The following SLCO5A1 variants were observed in gnomAD, a reference collection of about 807,000 sequenced individuals.
The protein encoded by SLCO5A1 is solute carrier organic anion transporter family member 5A1.
In SLCO5A1, 39 loss-of-function variants were observed where a neutral mutation model predicts 65.1. The observed-to-expected ratio is 0.60, with a 90% CI of 0.46 to 0.78. The LOEUF (loss-of-function observed/expected upper bound fraction) is 0.78. Ranked by LOEUF, SLCO5A1 falls within the 30% of genes least tolerant of loss-of-function variation. The probability of loss-of-function intolerance (pLI) is 0.00; values close to 1 mark genes in which losing one functional copy is unlikely to be tolerated. For missense variants in SLCO5A1, 1,029 were observed against 1,069.4 expected (o/e 0.96, Z 0.53); for synonymous variants, 438 against 415.7 (o/e 1.05, Z -0.65).
At position 69,831,941 on chromosome 8, in the gene SLCO5A1, T is replaced by C. The variant is rs1821169229; in HGVS notation, c.733A>G (p.Thr245Ala). 1 of 1,596,496 alleles carries C rather than the reference T, an allele frequency of 6.3e-7. No homozygotes were observed. The highest frequency in any genetic ancestry group is 1.8e-5 in the Admixed American group (1 of 56,346). ...GLCQGGNSTA[T>A]LEPPACPKDS... ...TTCGGACAGGCCGGAGGCTCCAAAG[T>C]GGCGGTGGAGTTGCCACCCTGACAC... Residue 245 changes from threonine to alanine, a missense_variant, in exon 2 of 10, where the codon ACT becomes GCT. By Grantham distance (58) the Thr-to-Ala change is moderately conservative. Transcript: ENST00000260126.
intron 4 of SLCO5A1, among the ~76,000 whole-genome samples, chr8:69,740,066 C>G (rs1816732224): frequency 6.6e-6 from 1 of 152,128 alleles, no homozygotes; most frequent in South Asian, 2.1e-4. Context: ...GATAAAATAG[C>G]CTTCTAATTT....
At chr8:69,779,099 A>G (rs1248663614) in intron 2 of SLCO5A1, among the ~76,000 whole-genome samples, 1 of 152,200 alleles carries the variant, frequency 6.6e-6, no homozygotes, top group Non-Finnish European at 1.5e-5. Flanking sequence ...ACAAAGCTTA[A>G]GATATTTACT....
intron 6 of SLCO5A1, among the ~76,000 whole-genome samples, chr8:69,693,273 C>A (rs1255265301): frequency 6.6e-6 from 1 of 152,178 alleles, no homozygotes; most frequent in South Asian, 2.1e-4. Context: ...TCTAAGAAAA[C>A]CACTAATAAC....
chr8:69,727,300 G>T (rs906562232), intron 5 of SLCO5A1, among the ~76,000 whole-genome samples: 2 of 152,176 alleles, frequency 1.3e-5, no homozygotes, highest in African/African-American at 4.8e-5. Flanking sequence ...ATTTCAACAA[G>T]ATCTGTCTCC....
intron 6 of SLCO5A1, among the ~76,000 whole-genome samples, chr8:69,686,159 A>G (rs1445919367): frequency 2.0e-5 from 3 of 151,886 alleles, no homozygotes; most frequent in Non-Finnish European, 4.4e-5. Flanking sequence ...TCTCTATTAA[A>G]AGATGTGACA....
chr8:69,744,621 G>A (rs1339676012), intron 4 of SLCO5A1, among the ~76,000 whole-genome samples: 1 of 152,198 alleles, frequency 6.6e-6, no homozygotes, highest in South Asian at 2.1e-4. Context: ...GGACCTTGGG[G>A]TATCTGTACA....
chr8:69,783,129 C>G (rs1338532140), intron 2 of SLCO5A1, among the ~76,000 whole-genome samples: 1 of 152,066 alleles, frequency 6.6e-6, no homozygotes, highest in East Asian at 1.9e-4. Flanking sequence ...ATTATTGTTA[C>G]TTCTATTATT....
chr8:69,783,685 C>A (rs1196685397), intron 2 of SLCO5A1, among the ~76,000 whole-genome samples: 3 of 152,058 alleles, frequency 2.0e-5, no homozygotes, highest in Non-Finnish European at 2.9e-5. Context: ...ATTCCCTAAT[C>A]ATTAATCAAT....
At chr8:69,712,958 T>G (rs969279100) in intron 5 of SLCO5A1, among the ~76,000 whole-genome samples, 1 of 152,224 alleles carries the variant, frequency 6.6e-6, no homozygotes, top group African/African-American at 2.4e-5. Context: ...GAGGTTAAAA[T>G]AAATTGCTAA....
chr8:69,726,496 C>CTT (rs1554613253), intron 5 of SLCO5A1, among the ~76,000 whole-genome samples: 7,349 of 114,462 alleles, frequency 0.064, 206 homozygotes, highest in South Asian at 0.088. Flanking sequence ...TTCCTACCTC[C>CTT]TTTTTTTTTT....
At chr8:69,759,458 G>C (rs1038477295) in intron 3 of SLCO5A1, among the ~76,000 whole-genome samples, 1 of 152,124 alleles carries the variant, frequency 6.6e-6, no homozygotes, top group African/African-American at 2.4e-5. Flanking sequence ...TGCTAGACAT[G>C]TAAACTCATT....
At chr8:69,834,472 C>A (rs1313000648) in intron 1 of SLCO5A1, among the ~76,000 whole-genome samples, 1 of 152,204 alleles carries the variant, frequency 6.6e-6, no homozygotes, top group Non-Finnish European at 1.5e-5. Context: ...TCCCGGCCTG[C>A]CAGCCACTCA....
chr8:69,757,006 A>G (rs1329489248), intron 3 of SLCO5A1, among the ~76,000 whole-genome samples: 1 of 152,254 alleles, frequency 6.6e-6, no homozygotes, highest in Non-Finnish European at 1.5e-5. Flanking sequence ...CATCATAAGT[A>G]TTAACGCTGA....
intron 2 of SLCO5A1, among the ~76,000 whole-genome samples, chr8:69,782,409 C>A (rs1818836686): frequency 6.6e-6 from 1 of 151,712 alleles, no homozygotes; most frequent in Non-Finnish European, 1.5e-5. Context: ...TGGCAAGACC[C>A]CATCTCTACA....
At chr8:69,749,708 G>A (rs1012895550) in intron 4 of SLCO5A1, among the ~76,000 whole-genome samples, 4 of 151,258 alleles carry the variant, frequency 2.6e-5, no homozygotes, top group Non-Finnish European at 5.9e-5. Context: ...TACCTACTAG[G>A]TGGTGTAAAC....
At chr8:69,768,044 G>A (rs532939076) in intron 2 of SLCO5A1, among the ~76,000 whole-genome samples, 10 of 151,458 alleles carry the variant, frequency 6.6e-5, no homozygotes, top group Non-Finnish European at 1.2e-4. Flanking sequence ...ACCAGCCTGG[G>A]CAACATGGCA....
chr8:69,767,899 A>AC (rs1484565548), intron 2 of SLCO5A1, among the ~76,000 whole-genome samples: 2 of 138,670 alleles, frequency 1.4e-5, no homozygotes, highest in African/African-American at 6.3e-5. Flanking sequence ...CAAAAAAAAA[A>AC]AAAAAAAAAA....
chr8:69,688,710 G>T (rs1814107685), intron 6 of SLCO5A1, among the ~76,000 whole-genome samples: 1 of 152,094 alleles, frequency 6.6e-6, no homozygotes, highest in Admixed American at 6.6e-5. Context: ...GTGTATATGT[G>T]CCACATTTTC....
At chr8:69,709,344 G>C (rs1000862172) in intron 5 of SLCO5A1, among the ~76,000 whole-genome samples, 2 of 152,180 alleles carry the variant, frequency 1.3e-5, no homozygotes, top group African/African-American at 4.8e-5. Context: ...CAAGATCCTT[G>C]AGAAGTCAGG....
Sources: gnomAD v4.1 joint callset for allele counts (sites outside exome capture counted in the v4.1 genomes callset) on GRCh38, gnomAD v4.1.1 for gene constraint, MANE v1.5 for transcripts, NCBI Gene and HGNC (gene_info 2026-07-23, HGNC 2026-07-21) for gene names.